E4F1: variants seen among roughly 807,000 people sequenced by gnomAD.
E4F1 encodes the protein transcription factor E4F1.
In E4F1, 30 loss-of-function variants were observed where a neutral mutation model predicts 72.9. That is an observed-to-expected ratio of 0.41 (90% confidence interval 0.31 to 0.56). The LOEUF (loss-of-function observed/expected upper bound fraction) is 0.56, where lower values mean the gene tolerates loss of function less well. Among genes scored for constraint, E4F1 ranks in the 20% least tolerant of loss-of-function variants. The probability of loss-of-function intolerance (pLI) is 0.25; values close to 1 mark genes in which losing one functional copy is unlikely to be tolerated. For synonymous variants in E4F1, 542 were observed against 478.2 expected, an observed-to-expected ratio of 1.13 and a Z score of -1.74; for missense variants, 1,091 against 1,117.5, an observed-to-expected ratio of 0.98 and a Z score of 0.34.
rs773662569 is a variant in E4F1 at position 2,235,390 on chromosome 16, A to G, written c.2173A>G (p.Met725Val). The change falls in exon 14 of 14, where the codon ATG (methionine) becomes GTG (valine). Residue 725 changes from methionine (M) to valine (V), a missense_variant. Coordinates refer to ENST00000301727, the MANE Select transcript of E4F1 (RefSeq NM_004424.5). The stretch of plus-strand genomic sequence containing the variant: ...CGAGAGCCTGACAGAGCAGGTGGCC[A>G]TGACGCTGGCCTCGGCCATCAGCGA... ...TPESLTEQVA[M>V]TLASAISEGT... 6.8e-6 allele frequency: 11 copies of G among 1,611,226 alleles called. No individual in the cohort carries two copies. The highest frequency in any genetic ancestry group is 9.3e-6 in the Non-Finnish European group (11 of 1,179,910).
Position 2,228,672 on chromosome 16 carries a change from C to T in E4F1, c.309+149C>T, listed in dbSNP as rs143057820. The T allele has an allele frequency of 2.4e-3, 2,566 of 1,058,550 alleles. 38 individuals carry two copies. In the African/African-American group the frequency reaches 0.036, roughly 15 times the overall value. The allele number at this position is 1,058,550 out of a possible 1,614,324, so 65.6% of individuals were successfully genotyped here. A position where few individuals can be genotyped will look rare whatever the true frequency, so the allele number is the denominator to read the frequency against. ...CACCTGGCTGCGGTGTGGGAGGGTC[C>T]GGGTGTGTGAGCCTGTGGTGCTCTG... On this transcript the variant is annotated intron_variant, in intron 2 of 13. Coordinates refer to ENST00000301727, the MANE Select transcript of E4F1 (RefSeq NM_004424.5).
chr16:2,233,034 T>C lies in E4F1; in HGVS notation c.907T>C (p.Leu303=), dbSNP rs780638902. 9.9e-6 allele frequency: 16 copies of C among 1,608,702 alleles called. No homozygotes were observed. The highest frequency in any genetic ancestry group is 6.7e-5 in the Admixed American group (4 of 59,916). The change falls in exon 7 of 14, where the codon TTG becomes CTG. Residue 303 remains leucine (L), a synonymous_variant. Coordinates refer to ENST00000301727, the MANE Select transcript of E4F1 (RefSeq NM_004424.5). The part of the protein sequence containing the change: ...RAGSGAGAAG[L]GTATSSVTGE... ...AGGTTCTGGAGCTGGAGCTGCCGGC[T>C]TGGGGACAGCCACATCATCGGTGAC...
intron 1 of E4F1, among the ~76,000 whole-genome samples, chr16:2,224,615 C>A (rs935325919): frequency 6.6e-6 from 1 of 151,852 alleles, no homozygotes; most frequent in Non-Finnish European, 1.5e-5. Flanking sequence ...TGGTGAAACC[C>A]GTCTCTACTA....
In E4F1 at chr16:2,223,807, G is replaced by T. The variant is rs551551480; in HGVS notation, c.157+37G>T. The T allele has an allele frequency of 5.0e-5, 77 of 1,536,030 alleles. No homozygotes were observed. The African/African-American group carries it at 9.7e-4, about 19-fold the overall frequency. On this transcript the variant is annotated intron_variant, in intron 1 of 13. Transcript: ENST00000301727. ...GACCCGGAGGGTGCGGCCGGGGTGC[G>T]GGCAGTTCATCCCGGGCTGGCAGAG...
In E4F1 at chr16:2,233,094, C is replaced by G. The variant is rs992690256; in HGVS notation, c.967C>G (p.Leu323Val). 6.8e-6 allele frequency: 11 copies of G among 1,612,646 alleles called. No homozygotes were observed. Among genetic ancestry groups the G allele is most frequent in the Non-Finnish European group, 9.3e-6 (11 of 1,179,614 alleles). Residue 323 changes from leucine (L) to valine (V), a missense_variant, in exon 7 of 14, where the codon CTG becomes GTG. Leu to Val is a conservative substitution (Grantham distance 32). Transcript: ENST00000301727. ...TATAGAGACTTCACCCGTGATTCAC[C>G]TGGTGACAGATGCCAAGGGCACCGT... ...EPIETSPVIH[L>V]VTDAKGTVIH...
rs1567306860 is a variant in E4F1, at chr16:2,235,357, GCC to G, written c.2141_2142del (p.Ala714AspfsTer33). 6.2e-7 allele frequency: 1 copy of G among 1,609,654 alleles called. No homozygotes were observed. The highest frequency in any genetic ancestry group is 1.7e-5 in the Admixed American group (1 of 60,014). On this transcript the variant is annotated frameshift_variant, in exon 14 of 14. Coordinates refer to ENST00000301727, the MANE Select transcript of E4F1 (RefSeq NM_004424.5). LOFTEE classifies it high-confidence loss of function. ...EAAAADTITIATPESLTEQVA... is the reference protein window; with the variant it reads ...EAAAADTITIXTPESLTEQVA... Reference sequence around the variant, plus strand: ...GGCTGCCGCCGACACCATCACCATCGCCACCCCCGAGAGCCTGACAGAGCAGG... The same window carrying G: ...GGCTGCCGCCGACACCATCACCATCGACCCCCGAGAGCCTGACAGAGCAGG...
In E4F1 at chr16:2,232,837, C is replaced by A. The variant is rs1397144097; in HGVS notation, c.812C>A (p.Thr271Asn). Residue 271 changes from threonine (T) to asparagine (N), a missense_variant, in exon 6 of 14, where the codon ACC (threonine) becomes AAC (asparagine). Around this residue, in one of 5 missense-constraint regions of E4F1, gnomAD observed 101 missense variants for 97.4 expected, o/e 1.04. Transcript: ENST00000301727. The stretch of plus-strand genomic sequence containing the variant: ...CTGACCCGGCACCTCAAGTCTCTCA[C>A]CCCCTGCACAGAGAAAATCCGCTTC... ...GALTRHLKSL[T>N]PCTEKIRFSV... The A allele has an allele frequency of 3.1e-6, 5 of 1,613,376 alleles. No homozygotes were observed. The African/African-American group carries it at 6.7e-5, about 22-fold the overall frequency.
chr16:2,223,999 A>G lies in E4F1; in HGVS notation c.157+229A>G, dbSNP rs1280316274. On this transcript the variant is annotated intron_variant, in intron 1 of 13. Coordinates refer to ENST00000301727, the MANE Select transcript of E4F1 (RefSeq NM_004424.5). ...TCCCCCCTCTCTGGTGTGCGTCCAC[A>G]AGTGCTCGCGGGTTGCTGAGCCCCC... 5.5e-6 allele frequency: 8 copies of G among 1,462,956 alleles called. No homozygotes were observed. The East Asian group carries it at 1.9e-4, about 34-fold the overall frequency. 90.6% of individuals were successfully genotyped at this position (1,462,956 alleles called of 1,614,324 possible).
chr16:2,234,422 T>TC lies in E4F1; in HGVS notation c.1593+40dup, dbSNP rs746117638. 30 of 1,608,458 alleles carry TC rather than the reference T, an allele frequency of 1.9e-5. No homozygotes were observed. In the African/African-American group the frequency reaches 3.7e-4, roughly 20 times the overall value. On this transcript the variant is annotated intron_variant, in intron 10 of 13. Transcript: ENST00000301727. Reference sequence around the variant, plus strand: ...CTGGCCGCAGGACCCTGGCGCCTGATCCCCCCATCCTGCTCCCTGGCCGTG... The same window carrying TC: ...CTGGCCGCAGGACCCTGGCGCCTGATCCCCCCCATCCTGCTCCCTGGCCGTG...
At position 2,235,213 on chromosome 16, in the gene E4F1, C is replaced by T; in HGVS notation, c.1999-3C>T. 6.2e-7 allele frequency: 1 copy of T among 1,609,012 alleles called. No homozygotes were observed. Among genetic ancestry groups the T allele is most frequent in the Non-Finnish European group, 8.5e-7 (1 of 1,178,462 alleles). On this transcript the variant is annotated splice_polypyrimidine_tract_variant and splice_region_variant and intron_variant, in intron 13 of 13. Transcript: ENST00000301727. ...CCGCTCTTGCTGAGCCGTGGCCCTG[C>T]AGGTGGACAGCCACATCATGAAGGT...
chr16:2,226,658 A>G (rs2093434488), intron 1 of E4F1, among the ~76,000 whole-genome samples: 1 of 152,204 alleles, frequency 6.6e-6, no homozygotes, highest in Admixed American at 6.5e-5. Context: ...CTTTGTGTAA[A>G]CAGGTACTGT....
At chr16:2,224,698 G>C (rs926303849) in intron 1 of E4F1, among the ~76,000 whole-genome samples, 2 of 152,236 alleles carry the variant, frequency 1.3e-5, no homozygotes, top group South Asian at 2.1e-4. Context: ...GCGGAGAATG[G>C]CGTGAACTCG....
At position 2,235,339 on chromosome 16, in the gene E4F1, G is replaced by A. The variant is rs755713708; in HGVS notation, c.2122G>A (p.Ala708Thr). The change falls in exon 14 of 14, where the codon GCC (alanine) becomes ACC (threonine). Residue 708 changes from alanine (A) to threonine (T), a missense_variant. By Grantham distance (58) the Ala-to-Thr change is moderately conservative. Around this residue, in one of 5 missense-constraint regions of E4F1, gnomAD observed 622 missense variants for 628.0 expected, o/e 0.99. Coordinates refer to ENST00000301727, the MANE Select transcript of E4F1 (RefSeq NM_004424.5). ...GGCGCTGGGCCCAGAGGCGGCTGCCGCCGACACCATCACCATCGCCACCCC... is the reference window on the plus strand; with the variant it reads ...GGCGCTGGGCCCAGAGGCGGCTGCCACCGACACCATCACCATCGCCACCCC... Reference protein sequence around the residue: ...ETALGPEAAAADTITIATPES... With the variant: ...ETALGPEAAATDTITIATPES... The A allele has an allele frequency of 1.4e-5, 23 of 1,609,740 alleles. No homozygotes were observed. The highest frequency in any genetic ancestry group is 1.4e-4 in the South Asian group (13 of 91,086).
At chr16:2,223,798 CCGGGGTGCGGG>C (rs1834487595) in intron 1 of E4F1, 28 bp downstream of exon 1, 2 of 1,534,678 alleles carry the variant, frequency 1.3e-6, no homozygotes, top group Non-Finnish European at 1.7e-6. Flanking sequence ...GAGGGTGCGG[CCGGGGTGCGGG>C]CAGTTCATCC....
chr16:2,232,625 G>C, intron 5 of E4F1, 49 bp downstream of exon 5: 1 of 1,605,144 alleles, frequency 6.2e-7, no homozygotes, highest in Non-Finnish European at 8.5e-7. Flanking sequence ...CCCGATGGTT[G>C]GCCCTGGGGT....
chr16:2,234,566 G>A lies in E4F1; in HGVS notation c.1594-17G>A, dbSNP rs776811146. Reference sequence around the variant, plus strand: ...TTGTGGCCAAGGCCAGGCTGGCACTGACAGGTGTCTCCACAGAACGCACAG... The same window carrying A: ...TTGTGGCCAAGGCCAGGCTGGCACTAACAGGTGTCTCCACAGAACGCACAG... On this transcript the variant is annotated splice_polypyrimidine_tract_variant and intron_variant, in intron 10 of 13. Transcript: ENST00000301727. 1 of 1,568,198 alleles carries A rather than the reference G, an allele frequency of 6.4e-7. No homozygotes were observed.
rs1490140720 is a variant in E4F1 at position 2,223,674 on chromosome 16, G to T, written c.61G>T (p.Ala21Ser). The change falls in exon 1 of 14, where the codon GCC (alanine) becomes TCC (serine). Residue 21 changes from alanine (A) to serine (S), a missense_variant. Transcript: ENST00000301727. ...TCATACGGCAGAAGCCCAGGCCGAA[G>T]CCGGGCGGGAAGCGGGCGAGGGTGC... ...AAHTAEAQAEAGREAGEGAVA... is the reference protein window; with the variant it reads ...AAHTAEAQAESGREAGEGAVA... 1.7e-5 allele frequency: 27 copies of T among 1,582,116 alleles called. No individual in the cohort carries two copies. The highest frequency in any genetic ancestry group is 2.2e-5 in the Non-Finnish European group (26 of 1,171,610).
intron 11 of E4F1, 37 bp from the exon 12 acceptor site, chr16:2,234,822 G>C: frequency 6.5e-7 from 1 of 1,541,378 alleles, no homozygotes; most frequent in East Asian, 2.5e-5. Context: ...GGAGGGGGCC[G>C]GGGCTTGCCT....
At chr16:2,227,826 C>CTTT (rs34008168) in intron 1 of E4F1, among the ~76,000 whole-genome samples, 8 of 132,930 alleles carry the variant, frequency 6.0e-5, no homozygotes, top group Non-Finnish European at 9.6e-5. Flanking sequence ...GTTTTAAAAA[C>CTTT]TTTTTTTTTT....
Sources: allele counts gnomAD v4.1 joint callset (sites outside exome capture counted in the v4.1 genomes callset), GRCh38; gene constraint gnomAD v4.1.1; regional missense constraint gnomAD v4.1.1; transcripts MANE v1.5; gene names NCBI Gene and HGNC (gene_info 2026-07-23, HGNC 2026-07-21).